MACROD2: variants seen among roughly 807,000 people sequenced by gnomAD.
MACROD2 encodes mono-ADP ribosylhydrolase 2, also known as ADP-ribose glycohydrolase MACROD2.
In MACROD2, 36 loss-of-function variants were observed where a neutral mutation model predicts 70.4. The ratio of observed to expected loss-of-function variants is 0.51; its 90% CI spans 0.39 to 0.68. MACROD2 has a LOEUF of 0.68. Among genes scored for constraint, MACROD2 ranks in the 30% least tolerant of loss-of-function variants. The probability of loss-of-function intolerance (pLI) is 0.00; values close to 1 mark genes in which losing one functional copy is unlikely to be tolerated. For synonymous variants in MACROD2, 172 were observed against 178.8 expected, an observed-to-expected ratio of 0.96 and a Z score of 0.30; for missense variants, 496 against 538.4, an observed-to-expected ratio of 0.92 and a Z score of 0.78.
intron 5 of MACROD2, among the ~76,000 whole-genome samples, chr20:14,767,054 C>T (rs1018407652): frequency 2.0e-5 from 3 of 152,138 alleles, no homozygotes; most frequent in African/African-American, 7.2e-5. Flanking sequence ...AAAGGCCAGG[C>T]GTGGTGGCTT....
chr20:15,762,746 T>C (rs1016877755), intron 8 of MACROD2, among the ~76,000 whole-genome samples: 3 of 152,232 alleles, frequency 2.0e-5, no homozygotes, highest in African/African-American at 7.2e-5. Flanking sequence ...AAAACTGTTC[T>C]GGTGACTTGC....
chr20:15,085,160 T>C (rs2075737176), intron 5 of MACROD2, among the ~76,000 whole-genome samples: 1 of 152,172 alleles, frequency 6.6e-6, no homozygotes, highest in Non-Finnish European at 1.5e-5. Flanking sequence ...GAGGAAAGAA[T>C]GCTGCTAGAA....
At chr20:15,897,136 C>T (rs748594686) in intron 10 of MACROD2, among the ~76,000 whole-genome samples, 1 of 152,144 alleles carries the variant, frequency 6.6e-6, no homozygotes, top group Non-Finnish European at 1.5e-5. Context: ...GAAAGTCTCT[C>T]AGGCCTTATT....
At chr20:14,659,367 T>C (rs997712135) in intron 4 of MACROD2, among the ~76,000 whole-genome samples, 1 of 152,210 alleles carries the variant, frequency 6.6e-6, no homozygotes, top group African/African-American at 2.4e-5. Flanking sequence ...CATTCTTCCC[T>C]TCTGATGTCT....
chr20:15,984,117 T>C (rs2066442244), intron 13 of MACROD2, among the ~76,000 whole-genome samples: 1 of 86,690 alleles, frequency 1.2e-5, no homozygotes, highest in Admixed American at 1.3e-4. Context: ...TTTATAGACT[T>C]TTTTTAACTT....
intron 4 of MACROD2, among the ~76,000 whole-genome samples, chr20:14,537,865 T>C (rs2085385539): frequency 6.6e-6 from 1 of 152,144 alleles, no homozygotes. Context: ...TTCCTCAGGA[T>C]ACAGATGGCA....
intron 5 of MACROD2, among the ~76,000 whole-genome samples, chr20:14,761,917 C>A (rs1419801448): frequency 2.0e-5 from 3 of 152,148 alleles, no homozygotes; most frequent in African/African-American, 7.2e-5. Context: ...TAGGCATTTT[C>A]TCACTAGTAA....
At chr20:14,178,437 A>G (rs2081281267) in intron 3 of MACROD2, among the ~76,000 whole-genome samples, 1 of 152,200 alleles carries the variant, frequency 6.6e-6, no homozygotes, top group African/African-American at 2.4e-5. Flanking sequence ...GCAAAGTGCA[A>G]AAGAATGTCT....
chr20:14,516,441 C>A (rs1018278904), intron 4 of MACROD2, among the ~76,000 whole-genome samples: 7 of 152,010 alleles, frequency 4.6e-5, no homozygotes, highest in African/African-American at 1.7e-4. Context: ...TTAGGTCTTA[C>A]GTTTAAGTCT....
At chr20:14,650,225 G>C (rs6042839) in intron 4 of MACROD2, among the ~76,000 whole-genome samples, 1 of 152,106 alleles carries the variant, frequency 6.6e-6, no homozygotes, top group South Asian at 2.1e-4. Context: ...GAATGAGTTA[G>C]GTGTGTCTGG....
intron 8 of MACROD2, among the ~76,000 whole-genome samples, chr20:15,677,660 AAACCAACC>A (rs775056693): frequency 2.2e-5 from 3 of 133,364 alleles, no homozygotes; most frequent in South Asian, 2.4e-4. Context: ...ACCCTCAGGA[AAACCAACC>A]AACCAACCAA....
chr20:15,848,613 T>C (rs2064261728), intron 8 of MACROD2, among the ~76,000 whole-genome samples: 1 of 152,126 alleles, frequency 6.6e-6, no homozygotes, highest in Non-Finnish European at 1.5e-5. Flanking sequence ...ATAAGACCAC[T>C]GGAAGTTGTG....
At chr20:14,311,424 G>C (rs947663976) in intron 3 of MACROD2, among the ~76,000 whole-genome samples, 14 of 152,132 alleles carry the variant, frequency 9.2e-5, no homozygotes, top group African/African-American at 3.4e-4. Flanking sequence ...GCTTGTGTAA[G>C]TGCACTCTCT....
chr20:15,686,940 CA>C lies in MACROD2; in HGVS notation c.646-175793del, dbSNP rs763227898. Among the ~76,000 whole-genome samples, 954 of 129,396 alleles carry C rather than the reference CA, an allele frequency of 7.4e-3. 5 individuals carry two copies. Among genetic ancestry groups the C allele is most frequent in the East Asian group, 0.014 (64 of 4,556 alleles). The allele number at this position is 129,396 out of a possible 152,430, so 84.9% of individuals were successfully genotyped here. ...TAATTGACAGGACAAGACCCTGTCT[CA>C]AAAAAAAAAAATCACCAAGGAACTT... is the stretch of plus-strand genomic sequence containing the variant. On this transcript the variant is annotated intron_variant, in intron 8 of 17. Coordinates refer to ENST00000684519, the MANE Select transcript of MACROD2 (RefSeq NM_001351661.2).
intron 3 of MACROD2, among the ~76,000 whole-genome samples, chr20:14,447,211 T>C (rs923002696): frequency 6.6e-6 from 1 of 151,818 alleles, no homozygotes; most frequent in Non-Finnish European, 1.5e-5. Flanking sequence ...GTAGAGATGG[T>C]ATTTCACCAT....
intron 7 of MACROD2, among the ~76,000 whole-genome samples, chr20:15,476,576 C>G (rs370134532): frequency 6.6e-6 from 1 of 152,016 alleles, no homozygotes; most frequent in Non-Finnish European, 1.5e-5. Flanking sequence ...TTTTGCCCCC[C>G]CCCGGTAAGT....
intron 4 of MACROD2, among the ~76,000 whole-genome samples, chr20:14,520,200 C>T (rs2085150620): frequency 6.6e-6 from 1 of 152,060 alleles, no homozygotes; most frequent in South Asian, 2.1e-4. Flanking sequence ...GCACGTGTAC[C>T]CCTACACCTA....
At chr20:14,912,998 C>G (rs2074046501) in intron 5 of MACROD2, among the ~76,000 whole-genome samples, 1 of 152,008 alleles carries the variant, frequency 6.6e-6, no homozygotes, top group African/African-American at 2.4e-5. Context: ...TACACAAATT[C>G]TGTCTCTCTT....
At chr20:14,098,443 G>A (rs951720804) in intron 3 of MACROD2, among the ~76,000 whole-genome samples, 1 of 152,184 alleles carries the variant, frequency 6.6e-6, no homozygotes, top group Non-Finnish European at 1.5e-5. Context: ...CATTAGTTGT[G>A]AATGTCATAC....
Sources: allele counts gnomAD v4.1 joint callset (sites outside exome capture counted in the v4.1 genomes callset), GRCh38; gene constraint gnomAD v4.1.1; transcripts MANE v1.5; gene names NCBI Gene and HGNC (gene_info 2026-07-23, HGNC 2026-07-21).